Variants in TSPYL1 observed in about 807,000 individuals in gnomAD.
TSPYL1 encodes TSPY like 1.
A neutral mutation model predicts 20.1 loss-of-function variants in TSPYL1; 16 were observed. That is an observed-to-expected ratio of 0.80 (90% CI 0.54 to 1.21). The LOEUF is 1.21. Among genes scored for constraint, TSPYL1 ranks in the 50% most tolerant of loss-of-function variants. The pLI, the probability that TSPYL1 is intolerant of heterozygous loss-of-function variation, is 0.00. For missense variants in TSPYL1, 560 were observed against 569.3 expected, an observed-to-expected ratio of 0.98 and a Z score of 0.17; for synonymous variants, 259 against 227.1, an observed-to-expected ratio of 1.14 and a Z score of -1.26.
Position 116,279,606 on chromosome 6 carries a change from C to A in TSPYL1, c.225G>T (p.Ala75=). Residue 75 remains alanine (A), a synonymous_variant, in exon 1 of 1, where the codon GCG becomes GCT. Transcript: ENST00000368608. ...SEEGGVPQDA[A]GRGGTPQIRV... ...GGATCTGGGGAGTACCGCCACGGCC[C>A]GCGGCATCCTGGGGTACGCCCCCCT... 6.2e-7 allele frequency: 1 copy of A among 1,602,366 alleles called. No individual in the cohort carries two copies. Among genetic ancestry groups the A allele is most frequent in the Non-Finnish European group, 8.5e-7 (1 of 1,179,778 alleles).
rs1345911945 is a variant in TSPYL1 at position 116,279,676 on chromosome 6, C to T, written c.155G>A (p.Gly52Glu). The T allele has an allele frequency of 1.2e-6, 2 of 1,609,172 alleles. No individual in the cohort carries two copies. Among genetic ancestry groups the T allele is most frequent in the East Asian group, 4.5e-5 (2 of 44,876 alleles). Residue 52 changes from glycine (G) to glutamate (E), a missense_variant, in exon 1 of 1, where the codon GGA (glycine) becomes GAA (glutamate). Coordinates refer to ENST00000368608, the MANE Select transcript of TSPYL1 (RefSeq NM_003309.4). The stretch of plus-strand genomic sequence containing the variant: ...CGGGAGCGCGACGGTCTCCGAGCCT[C>T]CCTCACCCGGCTCCGCCATCACCTG... ...ATQVMAEPGE[G>E]GSETVALPPP...
chr6:116,279,429 G>A lies in TSPYL1; in HGVS notation c.402C>T (p.Ile134=). The change falls in exon 1 of 1, where the codon ATC becomes ATT. Residue 134 remains isoleucine (I), a synonymous_variant. Coordinates refer to ENST00000368608, the MANE Select transcript of TSPYL1 (RefSeq NM_003309.4). ...GVQGGEKALE[I]CGAQRSASEL... Reference sequence around the variant, plus strand: ...CAGACGCGGATCTCTGGGCGCCACAGATTTCTAGGGCCTTCTCTCCACCCT... The same window carrying A: ...CAGACGCGGATCTCTGGGCGCCACAAATTTCTAGGGCCTTCTCTCCACCCT... 1 of 1,613,502 alleles carries A rather than the reference G, an allele frequency of 6.2e-7. No homozygotes were observed. The highest frequency in any genetic ancestry group is 8.5e-7 in the Non-Finnish European group (1 of 1,180,038).
Position 116,275,162 on chromosome 6 carries a change from A to G in TSPYL1, c.*3355T>C, listed in dbSNP as rs867168760. ...AGACTAGCCACATTTCAAGTGCTCA[A>G]TAGCCACTGGTGGCTAAAAGTTACT... On this transcript the variant is annotated 3_prime_UTR_variant, in exon 1 of 1. Coordinates refer to ENST00000368608, the MANE Select transcript of TSPYL1 (RefSeq NM_003309.4). Among the ~76,000 whole-genome samples, 18 of 152,348 alleles carry G rather than the reference A, an allele frequency of 1.2e-4. No homozygotes were observed. Among genetic ancestry groups the G allele is most frequent in the African/African-American group, 4.3e-4 (18 of 41,584 alleles).
chr6:116,279,012 C>T lies in TSPYL1; in HGVS notation c.819G>A (p.Gln273=). 6 of 1,614,116 alleles carry T rather than the reference C, an allele frequency of 3.7e-6. No individual in the cohort carries two copies. The highest frequency in any genetic ancestry group is 5.1e-6 in the Non-Finnish European group (6 of 1,179,998). Residue 273 remains glutamine (Q), a synonymous_variant, in exon 1 of 1, where the codon CAG becomes CAA. Transcript: ENST00000368608. ...CAGTCATCCAGAAGCCCGGGATATT[C>T]TGAATGATGTAGTTCCTCCGCTCCA... ...HYLERRNYII[Q]NIPGFWMTAF...
rs369165300 is a variant in TSPYL1 at position 116,278,587 on chromosome 6, C to A, written c.1244G>T (p.Arg415Leu). The A allele has an allele frequency of 6.2e-7, 1 of 1,614,058 alleles. No homozygotes were observed. The highest frequency in any genetic ancestry group is 1.3e-5 in the African/African-American group (1 of 74,912). Residue 415 changes from arginine (R) to leucine (L), a missense_variant, in exon 1 of 1, where the codon CGT becomes CTT. Transcript: ENST00000368608. Reference sequence around the variant, plus strand: ...CCTTAGCGGGCGACGTCGGGCTCTACGGACTCCTTCACGCAACAGGTAGTA... The same window carrying A: ...CCTTAGCGGGCGACGTCGGGCTCTAAGGACTCCTTCACGCAACAGGTAGTA... ...LQYYLLREGV[R>L]RARRRPLREP...
rs1414770051 is a variant in TSPYL1 at position 116,277,368 on chromosome 6, GCA to G, written c.*1147_*1148del. ...CCTTCCTCGAAAGCTCTTAACGACA[GCA>G]CAGTCTTCACTCTAGGCCCAATTTT... is the stretch of plus-strand genomic sequence containing the variant. On this transcript the variant is annotated 3_prime_UTR_variant, in exon 1 of 1. Transcript: ENST00000368608. 1 of 152,666 alleles carries G rather than the reference GCA, an allele frequency of 6.6e-6. No homozygotes were observed. Among genetic ancestry groups the G allele is most frequent in the Non-Finnish European group, 1.5e-5 (1 of 68,070 alleles). The allele number at this position is 152,666 out of a possible 1,614,324, so 9.5% of individuals were successfully genotyped here.
chr6:116,279,902 G>T lies in TSPYL1; in HGVS notation c.-72C>A. 2 of 1,597,764 alleles carry T rather than the reference G, an allele frequency of 1.3e-6. No individual in the cohort carries two copies. Among genetic ancestry groups the T allele is most frequent in the South Asian group, 1.1e-5 (1 of 90,492 alleles). Reference sequence around the variant, plus strand: ...GAGGCCGAACTGGGAGCTAACCGCCGCTCGCACCGCCCACCCTACAGTCTC... The same window carrying T: ...GAGGCCGAACTGGGAGCTAACCGCCTCTCGCACCGCCCACCCTACAGTCTC... On this transcript the variant is annotated 5_prime_UTR_variant, in exon 1 of 1. Coordinates refer to ENST00000368608, the MANE Select transcript of TSPYL1 (RefSeq NM_003309.4).
chr6:116,278,321 A>T lies in TSPYL1; in HGVS notation c.*196T>A, dbSNP rs574319533. The T allele has an allele frequency of 3.1e-6, 2 of 644,982 alleles. No individual in the cohort carries two copies. Among genetic ancestry groups the T allele is most frequent in the African/African-American group, 3.6e-5 (2 of 54,858 alleles). 40.0% of individuals were successfully genotyped at this position (644,982 alleles called of 1,614,324 possible). ...GATATTCCAGAACAGCATGAAGGTCATATGGAAGTGGAGAAGCATACCCAC... is the reference window on the plus strand; with the variant it reads ...GATATTCCAGAACAGCATGAAGGTCTTATGGAAGTGGAGAAGCATACCCAC... On this transcript the variant is annotated 3_prime_UTR_variant, in exon 1 of 1. Transcript: ENST00000368608.
At position 116,274,871 on chromosome 6, in the gene TSPYL1, T is replaced by C. The variant is rs1214102241; in HGVS notation, c.*3646A>G. Among the ~76,000 whole-genome samples the C allele has an allele frequency of 6.6e-6, 1 of 152,214 alleles. No individual in the cohort carries two copies. The highest frequency in any genetic ancestry group is 2.4e-5 in the African/African-American group (1 of 41,458). ...GCTTCAGGAGGAGAAAGTATTAACA[T>C]GTTTAATTTTTACAGATATTTTATA... On this transcript the variant is annotated 3_prime_UTR_variant, in exon 1 of 1. Coordinates refer to ENST00000368608, the MANE Select transcript of TSPYL1 (RefSeq NM_003309.4).
Position 116,275,547 on chromosome 6 carries a change from T to TC in TSPYL1, c.*2969dup, listed in dbSNP as rs2114623639. Among the ~76,000 whole-genome samples, 1 of 152,340 alleles carries TC rather than the reference T, an allele frequency of 6.6e-6. No homozygotes were observed. The highest frequency in any genetic ancestry group is 6.5e-5 in the Admixed American group (1 of 15,310). Reference sequence around the variant, plus strand: ...TGGGTGCGGTGGCTCACGCCTGTAATCCCAGCACTTTGGGAGGCTGAGGTG... The same window carrying TC: ...TGGGTGCGGTGGCTCACGCCTGTAATCCCCAGCACTTTGGGAGGCTGAGGTG... On this transcript the variant is annotated 3_prime_UTR_variant, in exon 1 of 1. Transcript: ENST00000368608.
Position 116,275,670 on chromosome 6 carries a change from C to T in TSPYL1, c.*2847G>A, listed in dbSNP as rs1288094117. Among the ~76,000 whole-genome samples the T allele has an allele frequency of 6.6e-6, 1 of 152,018 alleles. No homozygotes were observed. Among genetic ancestry groups the T allele is most frequent in the Non-Finnish European group, 1.5e-5 (1 of 68,004 alleles). On this transcript the variant is annotated 3_prime_UTR_variant, in exon 1 of 1. Coordinates refer to ENST00000368608, the MANE Select transcript of TSPYL1 (RefSeq NM_003309.4). ...AAAAAATTAGCCGGGCGTGGTAGCA[C>T]GTGCCTGTAGTCCCAGCTACTCGGG...
Position 116,279,439 on chromosome 6 carries a change from G to A in TSPYL1, c.392C>T (p.Ala131Val), listed in dbSNP as rs138602300. ...TCTCTGGGCGCCACAGATTTCTAGG[G>A]CCTTCTCTCCACCCTGAACGCCCTT... The part of the protein sequence containing the change: ...LKKGVQGGEK[A>V]LEICGAQRSA... The change falls in exon 1 of 1, where the codon GCC becomes GTC. Residue 131 changes from alanine (A) to valine (V), a missense_variant. Coordinates refer to ENST00000368608, the MANE Select transcript of TSPYL1 (RefSeq NM_003309.4). 63 of 1,613,392 alleles carry A rather than the reference G, an allele frequency of 3.9e-5. No homozygotes were observed. In the African/African-American group the frequency reaches 6.9e-4, roughly 18 times the overall value.
rs746462142 is a variant in TSPYL1, at chr6:116,279,694, A to G, written c.137T>C (p.Met46Thr). ...CGAGCCTCCCTCACCCGGCTCCGCCATCACCTGTGTCGCCTCGCTTTGGTC... is the reference window on the plus strand; with the variant it reads ...CGAGCCTCCCTCACCCGGCTCCGCCGTCACCTGTGTCGCCTCGCTTTGGTC... ...LRDQSEATQV[M>T]AEPGEGGSET... Residue 46 changes from methionine to threonine, a missense_variant, in exon 1 of 1, where the codon ATG (methionine) becomes ACG (threonine). Coordinates refer to ENST00000368608, the MANE Select transcript of TSPYL1 (RefSeq NM_003309.4). The G allele has an allele frequency of 4.3e-6, 7 of 1,610,470 alleles. No individual in the cohort carries two copies. The African/African-American group carries it at 8.0e-5, about 18-fold the overall frequency.
At position 116,279,744 on chromosome 6, in the gene TSPYL1, G is replaced by A. The variant is rs1773387040; in HGVS notation, c.87C>T (p.Asp29=). 5 of 1,612,022 alleles carry A rather than the reference G, an allele frequency of 3.1e-6. No individual in the cohort carries two copies. The highest frequency in any genetic ancestry group is 1.3e-5 in the African/African-American group (1 of 75,064). The change falls in exon 1 of 1, where the codon GAC becomes GAT. Residue 29 remains aspartate (D), a synonymous_variant. Transcript: ENST00000368608. The stretch of plus-strand genomic sequence containing the variant: ...CGCGGAGCCTCAGGTACTGGTGTGC[G>A]TCCTGGTCGCTCGGGACTTGGTCAG... The part of the protein sequence containing the change: ...IISDQVPSDQ[D]AHQYLRLRDQ...
At position 116,275,920 on chromosome 6, in the gene TSPYL1, T is replaced by C. The variant is rs1429776332; in HGVS notation, c.*2597A>G. Among the ~76,000 whole-genome samples, 1 of 152,044 alleles carries C rather than the reference T, an allele frequency of 6.6e-6. No individual in the cohort carries two copies. The highest frequency in any genetic ancestry group is 1.5e-5 in the Non-Finnish European group (1 of 68,018). On this transcript the variant is annotated 3_prime_UTR_variant, in exon 1 of 1. Coordinates refer to ENST00000368608, the MANE Select transcript of TSPYL1 (RefSeq NM_003309.4). ...TGAACATGGGAAAAACATGAAAATA[T>C]AATCTCTGTATTTTATTTTACTGTA... is the stretch of plus-strand genomic sequence containing the variant.
chr6:116,279,690 C>T lies in TSPYL1; in HGVS notation c.141G>A (p.Ala47=), dbSNP rs370977894. The T allele has an allele frequency of 3.1e-6, 5 of 1,610,178 alleles. No homozygotes were observed. The African/African-American group carries it at 6.7e-5, about 21-fold the overall frequency. ...TCTCCGAGCCTCCCTCACCCGGCTCCGCCATCACCTGTGTCGCCTCGCTTT... is the reference window on the plus strand; with the variant it reads ...TCTCCGAGCCTCCCTCACCCGGCTCTGCCATCACCTGTGTCGCCTCGCTTT... ...RDQSEATQVM[A]EPGEGGSETV... is the part of the protein sequence containing the mutation. Residue 47 remains alanine (A), a synonymous_variant, in exon 1 of 1, where the codon GCG becomes GCA. Coordinates refer to ENST00000368608, the MANE Select transcript of TSPYL1 (RefSeq NM_003309.4).
At position 116,275,881 on chromosome 6, in the gene TSPYL1, T is replaced by C. The variant is rs1323958464; in HGVS notation, c.*2636A>G. Among the ~76,000 whole-genome samples, 1 of 152,002 alleles carries C rather than the reference T, an allele frequency of 6.6e-6. No homozygotes were observed. The highest frequency in any genetic ancestry group is 1.5e-5 in the Non-Finnish European group (1 of 68,004). ...CACTTTCACAAAGTTTCCAAACTAC[T>C]GAGAGGAAAAGAGTGAACATGGGAA... On this transcript the variant is annotated 3_prime_UTR_variant, in exon 1 of 1. Transcript: ENST00000368608.
rs147903753 is a variant in TSPYL1, at chr6:116,278,940, A to C, written c.891T>G (p.Asp297Glu). Reference protein sequence around the residue: ...PQLSAMIRGQDAEMLRYITNL... With the variant: ...PQLSAMIRGQEAEMLRYITNL... ...TGGTTATGTACCTTAACATCTCTGC[A>C]TCTTGGCCCCTAATCATGGCGGACA... The change falls in exon 1 of 1, where the codon GAT becomes GAG. Residue 297 changes from aspartate to glutamate, a missense_variant. Physicochemically the swap from Asp to Glu is conservative, Grantham distance 45. Transcript: ENST00000368608. 3 of 1,614,096 alleles carry C rather than the reference A, an allele frequency of 1.9e-6. No homozygotes were observed. The highest frequency in any genetic ancestry group is 2.5e-6 in the Non-Finnish European group (3 of 1,180,022).
chr6:116,278,661 G>A lies in TSPYL1; in HGVS notation c.1170C>T (p.Asp390=). 3 of 1,614,130 alleles carry A rather than the reference G, an allele frequency of 1.9e-6. No homozygotes were observed. The highest frequency in any genetic ancestry group is 2.5e-6 in the Non-Finnish European group (3 of 1,180,026). ...WFSDHSLPES[D]KIAEIIKEDL... is the part of the protein sequence containing the mutation. ...CCTCTTTAATAATCTCAGCAATTTT[G>A]TCGGACTCTGGAAGGCTGTGGTCTG... The change falls in exon 1 of 1, where the codon GAC becomes GAT. Residue 390 remains aspartate (D), a synonymous_variant. Coordinates refer to ENST00000368608, the MANE Select transcript of TSPYL1 (RefSeq NM_003309.4).
Sources: allele counts gnomAD v4.1 joint callset (sites outside exome capture counted in the v4.1 genomes callset), GRCh38; gene constraint gnomAD v4.1.1; transcripts MANE v1.5; gene names NCBI Gene and HGNC (gene_info 2026-07-23, HGNC 2026-07-21).